Variants in CNKSR3 observed in about 807,000 individuals in gnomAD.
CNKSR3 encodes the protein connector enhancer of kinase suppressor of ras 3.
CNKSR3 carries 36 observed loss-of-function variants against 67.7 expected under a neutral mutation model. The ratio of observed to expected loss-of-function variants is 0.53; its 90% CI spans 0.41 to 0.70. The LOEUF (loss-of-function observed/expected upper bound fraction) is 0.70. CNKSR3 is among the 30% of genes least tolerant of loss of function. The pLI is 0.00. For synonymous variants in CNKSR3, 281 were observed against 271.4 expected (o/e 1.04, Z -0.35); for missense variants, 630 against 695.2 (o/e 0.91, Z 1.05).
intron 9 of CNKSR3, 150 bp from the exon 10 acceptor site, chr6:154,414,573 T>A: frequency 1.2e-6 from 1 of 801,438 alleles, no homozygotes; most frequent in Non-Finnish European, 2.1e-6. Flanking sequence ...TGGCAATATT[T>A]AACTTACATT....
At chr6:154,439,412 C>A (rs1406473527) in intron 4 of CNKSR3, among the ~76,000 whole-genome samples, 3 of 151,890 alleles carry the variant, frequency 2.0e-5, no homozygotes, top group Non-Finnish European at 4.4e-5. Context: ...AAACATGACC[C>A]CCCCTGCCTT....
intron 7 of CNKSR3, among the ~76,000 whole-genome samples, chr6:154,423,466 C>G (rs1785189312): frequency 6.6e-6 from 1 of 152,114 alleles, no homozygotes; most frequent in South Asian, 2.1e-4. Flanking sequence ...CCATGTTGGC[C>G]AGGCTGGTCT....
At chr6:154,503,325 A>T (rs1345787857) in intron 1 of CNKSR3, among the ~76,000 whole-genome samples, 2 of 152,118 alleles carry the variant, frequency 1.3e-5, no homozygotes, top group Admixed American at 6.5e-5. Context: ...ATTTTTTTTT[A>T]AAGGGGGGCA....
chr6:154,442,634 A>G (rs761244578), intron 2 of CNKSR3, among the ~76,000 whole-genome samples: 1 of 152,016 alleles, frequency 6.6e-6, no homozygotes, highest in Non-Finnish European at 1.5e-5. Context: ...AATAAAAACA[A>G]AACAATAAAC....
At chr6:154,456,456 G>C (rs1413609492) in intron 1 of CNKSR3, among the ~76,000 whole-genome samples, 7 of 151,380 alleles carry the variant, frequency 4.6e-5, no homozygotes, top group African/African-American at 1.7e-4. Flanking sequence ...CCAGCACTTT[G>C]AGAGGCCAAG....
At chr6:154,448,163 A>G (rs1785746092) in intron 2 of CNKSR3, among the ~76,000 whole-genome samples, 1 of 152,052 alleles carries the variant, frequency 6.6e-6, no homozygotes, top group Admixed American at 6.5e-5. Context: ...AGCTTTGTTC[A>G]TTTTAGCCTA....
At position 154,394,478 on chromosome 6, in the gene CNKSR3, C is replaced by T. The variant is rs1220130680; in HGVS notation, c.*11876G>A. The T allele has an allele frequency of 1.3e-5, 2 of 152,084 alleles. No individual in the cohort carries two copies. The highest frequency in any genetic ancestry group is 2.4e-5 in the African/African-American group (1 of 41,390). The allele number at this position is 152,084 out of a possible 1,614,324, so 9.4% of individuals were successfully genotyped here. A position where few individuals can be genotyped will look rare whatever the true frequency, so the allele number is the denominator to read the frequency against. Reference sequence around the variant, plus strand: ...GCAACCCAAGTCCCTGAGTCACTAGCTAGAGGACAGCCACAGAGCATTACC... The same window carrying T: ...GCAACCCAAGTCCCTGAGTCACTAGTTAGAGGACAGCCACAGAGCATTACC... On this transcript the variant is annotated 3_prime_UTR_variant, in exon 13 of 13. Coordinates refer to ENST00000607772, the MANE Select transcript of CNKSR3 (RefSeq NM_173515.4).
intron 7 of CNKSR3, among the ~76,000 whole-genome samples, chr6:154,423,482 T>C (rs1366240511): frequency 1.3e-5 from 2 of 152,150 alleles, no homozygotes; most frequent in East Asian, 3.9e-4. Context: ...GGTCTCGAAC[T>C]CCCAACTTCA....
intron 12 of CNKSR3, among the ~76,000 whole-genome samples, chr6:154,409,768 G>A (rs1445169814): frequency 6.6e-6 from 1 of 151,850 alleles, no homozygotes; most frequent in East Asian, 1.9e-4. Flanking sequence ...TATTGGCTGG[G>A]TATGGTGGCA....
At chr6:154,432,011 G>A (rs558514652) in intron 5 of CNKSR3, among the ~76,000 whole-genome samples, 1 of 152,114 alleles carries the variant, frequency 6.6e-6, no homozygotes, top group East Asian at 1.9e-4. Flanking sequence ...CAACTCCTTT[G>A]GGTAAATATG....
intron 4 of CNKSR3, among the ~76,000 whole-genome samples, chr6:154,435,517 G>C (rs933839229): frequency 6.6e-6 from 1 of 152,076 alleles, no homozygotes; most frequent in Non-Finnish European, 1.5e-5. Context: ...GGAGCTTCCC[G>C]CCTCCCAAAT....
intron 3 of CNKSR3, 41 bp downstream of exon 3, chr6:154,442,047 T>C (rs777797536): frequency 2.0e-6 from 3 of 1,534,036 alleles, no homozygotes; most frequent in African/African-American, 2.8e-5. Context: ...TTGGACTCTA[T>C]CTACTCTTGC....
chr6:154,478,759 T>C (rs1582892857), intron 1 of CNKSR3, among the ~76,000 whole-genome samples: 2 of 152,254 alleles, frequency 1.3e-5, no homozygotes, highest in African/African-American at 4.8e-5. Flanking sequence ...AAAGTCCTTT[T>C]GGGTTCTTCC....
At chr6:154,445,043 G>T (rs562619718) in intron 2 of CNKSR3, among the ~76,000 whole-genome samples, 1 of 151,862 alleles carries the variant, frequency 6.6e-6, no homozygotes, top group Non-Finnish European at 1.5e-5. Flanking sequence ...ATGAACAATG[G>T]TAAGTTAAAA....
chr6:154,462,841 C>T (rs919500108), intron 1 of CNKSR3, among the ~76,000 whole-genome samples: 18 of 152,312 alleles, frequency 1.2e-4, no homozygotes, highest in African/African-American at 4.3e-4. Flanking sequence ...TATGCTGCAG[C>T]GAGCCCCCTG....
intron 7 of CNKSR3, among the ~76,000 whole-genome samples, chr6:154,425,842 C>T (rs1054213854): frequency 6.2e-5 from 4 of 64,834 alleles, no homozygotes; most frequent in African/African-American, 2.0e-4. Context: ...CCATACTAGG[C>T]TTCTTCCATT....
rs1406653954 is a variant in CNKSR3, at chr6:154,510,347, C to T, written c.-233G>A. On this transcript the variant is annotated 5_prime_UTR_variant, in exon 1 of 13. Coordinates refer to ENST00000607772, the MANE Select transcript of CNKSR3 (RefSeq NM_173515.4). ...CCAGCTGCAGCTCCTCCTTCCCCCG[C>T]CGCCGCCGGGATCCCGGGCACAGCT... 2 of 544,296 alleles carry T rather than the reference C, an allele frequency of 3.7e-6. No individual in the cohort carries two copies. The highest frequency in any genetic ancestry group is 4.1e-5 in the African/African-American group (2 of 49,014). 33.7% of individuals were successfully genotyped at this position (544,296 alleles called of 1,614,324 possible). A position where few individuals can be genotyped will look rare whatever the true frequency, so the allele number is the denominator to read the frequency against.
chr6:154,426,378 G>T (rs200851164), intron 7 of CNKSR3, among the ~76,000 whole-genome samples: 2 of 68,184 alleles, frequency 2.9e-5, no homozygotes, highest in Non-Finnish European at 6.5e-5. Flanking sequence ...TTATTTATTT[G>T]AGACAGAGTC....
At chr6:154,441,968 A>G in intron 3 of CNKSR3, 120 bp downstream of exon 3, 1 of 938,602 alleles carries the variant, frequency 1.1e-6, no homozygotes, top group Admixed American at 3.0e-5. Context: ...ACTCCTTAAG[A>G]GCCGGTAAAA....
Sources: gnomAD v4.1 joint callset for allele counts (sites outside exome capture counted in the v4.1 genomes callset) on GRCh38, gnomAD v4.1.1 for gene constraint, MANE v1.5 for transcripts, NCBI Gene and HGNC (gene_info 2026-07-23, HGNC 2026-07-21) for gene names.